KIF13A: variants seen among roughly 807,000 people sequenced by gnomAD.
KIF13A encodes the protein kinesin family member 13A.
A neutral mutation model predicts 212.2 loss-of-function variants in KIF13A; 79 were observed. That is an observed-to-expected ratio of 0.37 (90% CI 0.31 to 0.45). KIF13A has a LOEUF of 0.45. Ranked by LOEUF, KIF13A falls within the 20% of genes least tolerant of loss-of-function variation. The probability of loss-of-function intolerance (pLI) is 1.00; values close to 1 mark genes in which losing one functional copy is unlikely to be tolerated. For missense variants in KIF13A, 1,901 were observed against 2,209.0 expected (o/e 0.86, Z 2.79); for synonymous variants, 789 against 808.6 (o/e 0.98, Z 0.41).
chr6:17,828,343 A>T lies in KIF13A; in HGVS notation c.1429T>A (p.Ser477Thr). 1 of 1,611,842 alleles carries T rather than the reference A, an allele frequency of 6.2e-7. No homozygotes were observed. The highest frequency in any genetic ancestry group is 8.5e-7 in the Non-Finnish European group (1 of 1,178,960). Residue 477 changes from serine to threonine, a missense_variant, in exon 14 of 39, where the codon TCT (serine) becomes ACT (threonine). Physicochemically the swap from Ser to Thr is moderately conservative, Grantham distance 58. This residue lies in a region of KIF13A where 506 missense variants were observed against 637.4 expected (regional missense o/e 0.79). Transcript: ENST00000259711. This position sits in a 1 kb window ranked among gnomAD's most constrained non-coding sequence, Gnocchi z 4.3. ...ATGCCAAAAAGCTGGATATCTTGAG[A>T]GGTATCTGCACCCACCCTGGTGTGA... ...KDHTRVGADTSQDIQLFGIGI... is the reference protein window; with the variant it reads ...KDHTRVGADTTQDIQLFGIGI...
chr6:17,845,902 CA>C (rs1483704604), intron 9 of KIF13A, among the ~76,000 whole-genome samples: 2 of 152,174 alleles, frequency 1.3e-5, no homozygotes, highest in African/African-American at 4.8e-5. Context: ...GCCCATTAAG[CA>C]GACACTGACG....
At position 17,898,195 on chromosome 6, in the gene KIF13A, A is replaced by G. The variant is rs765545012; in HGVS notation, c.147-15T>C. 6 of 1,613,040 alleles carry G rather than the reference A, an allele frequency of 3.7e-6. 1 individual carries two copies. In the South Asian group the frequency reaches 6.6e-5, roughly 18 times the overall value. The stretch of plus-strand genomic sequence containing the variant: ...TGGGAGGTTTCCTTAATGATGGGAA[A>G]AAAAAAATTCAGCAGCAGGGATACA... On this transcript the variant is annotated splice_polypyrimidine_tract_variant and intron_variant, in intron 2 of 38. Coordinates refer to ENST00000259711, the MANE Select transcript of KIF13A (RefSeq NM_022113.6). The surrounding 1 kb of genome is among the most constrained non-coding windows in gnomAD (Gnocchi z 5.2).
Position 17,826,164 on chromosome 6 carries a change from G to A in KIF13A, c.1533-40C>T, listed in dbSNP as rs1202289713. 6 of 1,503,716 alleles carry A rather than the reference G, an allele frequency of 4.0e-6. No homozygotes were observed. The highest frequency in any genetic ancestry group is 4.6e-6 in the Non-Finnish European group (5 of 1,081,050). 93.1% of individuals were successfully genotyped at this position (1,503,716 alleles called of 1,614,324 possible). A position where few individuals can be genotyped will look rare whatever the true frequency, so the allele number is the denominator to read the frequency against. On this transcript the variant is annotated intron_variant, in intron 14 of 38. Transcript: ENST00000259711. This position sits in a 1 kb window ranked among gnomAD's most constrained non-coding sequence, Gnocchi z 4.7. ...GGGAAAATACCAGGTAAATGGGAAGGAGCACAAGACCTTGTCCTGGTAGCC... is the reference window on the plus strand; with the variant it reads ...GGGAAAATACCAGGTAAATGGGAAGAAGCACAAGACCTTGTCCTGGTAGCC...
chr6:17,936,094 A>T (rs1160291655), intron 2 of KIF13A, among the ~76,000 whole-genome samples: 1 of 152,236 alleles, frequency 6.6e-6, no homozygotes, highest in Non-Finnish European at 1.5e-5. Context: ...TTAATTTGAC[A>T]TTATCAGAAC....
rs1758722576 is a variant in KIF13A at position 17,764,013 on chromosome 6, G to A, written c.*97C>T. On this transcript the variant is annotated 3_prime_UTR_variant, in exon 39 of 39. Coordinates refer to ENST00000259711, the MANE Select transcript of KIF13A (RefSeq NM_022113.6). This position sits in a 1 kb window ranked among gnomAD's most constrained non-coding sequence, Gnocchi z 5.1. The stretch of plus-strand genomic sequence containing the variant: ...GTGCAGGAAGTGAGCCTGCTTCTCT[G>A]TGGGCTCATCTTTGCTGTCACAAAC... 2 of 1,481,222 alleles carry A rather than the reference G, an allele frequency of 1.4e-6. No individual in the cohort carries two copies. The highest frequency in any genetic ancestry group is 1.4e-5 in the African/African-American group (1 of 71,114). The allele number at this position is 1,481,222 out of a possible 1,614,324, so 91.8% of individuals were successfully genotyped here. A position where few individuals can be genotyped will look rare whatever the true frequency, so the allele number is the denominator to read the frequency against.
intron 14 of KIF13A, among the ~76,000 whole-genome samples, chr6:17,827,412 G>A (rs1765064382): frequency 6.6e-6 from 1 of 151,672 alleles, no homozygotes; most frequent in African/African-American, 2.4e-5. Context: ...TAGGAAGGAG[G>A]AGGAGATATG....
chr6:17,868,316 A>G (rs941863523), intron 4 of KIF13A, among the ~76,000 whole-genome samples: 1 of 152,114 alleles, frequency 6.6e-6, no homozygotes, highest in African/African-American at 2.4e-5. Context: ...GGCACATTTT[A>G]GAAATGTTAA....
Position 17,763,731 on chromosome 6 carries a change from T to C in KIF13A, c.*379A>G, listed in dbSNP as rs193156590. The C allele has an allele frequency of 2.1e-3, 1,308 of 621,816 alleles. 1 individual carries two copies. The highest frequency in any genetic ancestry group is 2.5e-3 in the Non-Finnish European group (1,223 of 485,074). The allele number at this position is 621,816 out of a possible 1,614,324, so 38.5% of individuals were successfully genotyped here. A position where few individuals can be genotyped will look rare whatever the true frequency, so the allele number is the denominator to read the frequency against. ...GAGTTTAATTGGCAGTATTTTTTCT[T>C]AATGATACATAAAATAATGGTTCAT... is the stretch of plus-strand genomic sequence containing the variant. On this transcript the variant is annotated 3_prime_UTR_variant, in exon 39 of 39. Transcript: ENST00000259711.
chr6:17,950,711 A>G (rs1374561155), intron 2 of KIF13A: 8 of 983,946 alleles, frequency 8.1e-6, no homozygotes, highest in Non-Finnish European at 9.7e-6. Context: ...ATGCCTAAAA[A>G]ACGAAATATA....
chr6:17,932,488 TAAAAA>T (rs1776072277), intron 2 of KIF13A, among the ~76,000 whole-genome samples: 1 of 152,154 alleles, frequency 6.6e-6, no homozygotes, highest in African/African-American at 2.4e-5. Context: ...ATCTTCTTTC[TAAAAA>T]ATAAGGAACA....
chr6:17,981,098 A>T (rs551573404), intron 2 of KIF13A, among the ~76,000 whole-genome samples: 2 of 152,048 alleles, frequency 1.3e-5, no homozygotes, highest in South Asian at 4.2e-4. Context: ...TATACAGGTT[A>T]AGAAAAAAAC....
At chr6:17,796,103 A>G (rs1235354463) in intron 23 of KIF13A, among the ~76,000 whole-genome samples, 2 of 151,268 alleles carry the variant, frequency 1.3e-5, no homozygotes, top group Non-Finnish European at 2.9e-5. Flanking sequence ...TCATTTTACA[A>G]ACGAGGAAAT....
intron 13 of KIF13A, among the ~76,000 whole-genome samples, chr6:17,830,373 A>G (rs1190394673): frequency 1.3e-5 from 2 of 152,164 alleles, no homozygotes; most frequent in Non-Finnish European, 2.9e-5. Context: ...TTATGTTTGT[A>G]GTTTAAAATG....
chr6:17,806,638 G>A (rs12527208), intron 18 of KIF13A, among the ~76,000 whole-genome samples: 27,144 of 152,150 alleles, frequency 0.18, 2,671 homozygotes, highest in Admixed American at 0.27. Context: ...CCAGCACTTT[G>A]GGAGGCCAAG....
At chr6:17,917,765 G>T (rs1774675181) in intron 2 of KIF13A, among the ~76,000 whole-genome samples, 2 of 152,068 alleles carry the variant, frequency 1.3e-5, no homozygotes, top group South Asian at 2.1e-4. Context: ...CATTTACCTG[G>T]CTTAAAATCC....
rs1296630080 is a variant in KIF13A, at chr6:17,785,912, T to C, written c.3362-271A>G. ...AGCCTGGGCAACAGACAAGAGACCCTGTCTCAAAAAACAAGCAAACAAAAA... is the reference window on the plus strand; with the variant it reads ...AGCCTGGGCAACAGACAAGAGACCCCGTCTCAAAAAACAAGCAAACAAAAA... On this transcript the variant is annotated intron_variant, in intron 27 of 38. Transcript: ENST00000259711. The surrounding 1 kb of genome is among the most constrained non-coding windows in gnomAD (Gnocchi z 5.8). Among the ~76,000 whole-genome samples the C allele has an allele frequency of 2.0e-5, 3 of 152,098 alleles. No individual in the cohort carries two copies. The highest frequency in any genetic ancestry group is 3.2e-3 in the Middle Eastern group (1 of 316).
rs1201063574 is a variant in KIF13A at position 17,843,097 on chromosome 6, A to G, written c.831-5514T>C. Among the ~76,000 whole-genome samples, 2 of 152,124 alleles carry G rather than the reference A, an allele frequency of 1.3e-5. No individual in the cohort carries two copies. The highest frequency in any genetic ancestry group is 4.8e-5 in the African/African-American group (2 of 41,406). On this transcript the variant is annotated intron_variant, in intron 9 of 38. Coordinates refer to ENST00000259711, the MANE Select transcript of KIF13A (RefSeq NM_022113.6). The surrounding 1 kb of genome is among the most constrained non-coding windows in gnomAD (Gnocchi z 5.3). ...GCTATTTCTCTGCTTTTCTATTTAG[A>G]TTGTGATTACCTTGAAGGCAGACGG...
intron 28 of KIF13A, among the ~76,000 whole-genome samples, chr6:17,784,645 C>T (rs1435997985): frequency 1.3e-5 from 2 of 152,178 alleles, no homozygotes; most frequent in African/African-American, 4.8e-5. Flanking sequence ...TTTGAAAACA[C>T]TTTACACGAG....
At chr6:17,881,327 T>C (rs951248058) in intron 3 of KIF13A, among the ~76,000 whole-genome samples, 5 of 152,092 alleles carry the variant, frequency 3.3e-5, no homozygotes, top group Admixed American at 6.5e-5. Flanking sequence ...TTGAGAGATA[T>C]ATATAATCTG....
Sources: gnomAD v4.1 joint callset for allele counts (sites outside exome capture counted in the v4.1 genomes callset) on GRCh38, gnomAD v4.1.1 for gene constraint, gnomAD v4.1.1 regional missense constraint, Gnocchi (gnomAD v3.1) non-coding constraint, MANE v1.5 for transcripts, NCBI Gene and HGNC (gene_info 2026-07-23, HGNC 2026-07-21) for gene names.